Variants in TG observed in about 807,000 individuals in gnomAD.
TG encodes the protein thyroid hormones.
In TG, 270 loss-of-function variants were observed where a neutral mutation model predicts 324.7. That is an observed-to-expected ratio of 0.83 (90% CI 0.75 to 0.92). The LOEUF (loss-of-function observed/expected upper bound fraction) is 0.92, where lower values mean the gene tolerates loss of function less well. Ranked by LOEUF, TG falls within the 40% of genes least tolerant of loss-of-function variation. The pLI is 0.00. For synonymous variants in TG, 1,401 were observed against 1,327.0 expected, an observed-to-expected ratio of 1.06 and a Z score of -1.21; for missense variants, 3,591 against 3,456.4, an observed-to-expected ratio of 1.04 and a Z score of -0.98.
intron 5 of TG, among the ~76,000 whole-genome samples, chr8:132,878,493 G>C (rs984657556): frequency 1.3e-5 from 2 of 151,726 alleles, no homozygotes; most frequent in Non-Finnish European, 2.9e-5. Context: ...GTGGGTGCCT[G>C]TGGTCCCATC....
chr8:133,054,186 G>A (rs1468158913), intron 41 of TG, among the ~76,000 whole-genome samples: 3 of 152,122 alleles, frequency 2.0e-5, no homozygotes, highest in Non-Finnish European at 4.4e-5. Flanking sequence ...TTAGCTTTAT[G>A]GAGAGCTCAG....
chr8:133,010,832 C>G lies in TG; in HGVS notation c.6263-1069C>G, dbSNP rs577777158. 3.9e-5 allele frequency among the ~76,000 whole-genome samples: 6 copies of G among 152,314 alleles called. No individual in the cohort carries two copies. The South Asian group carries it at 1.2e-3, about 32-fold the overall frequency. ...CTGCTATGCCTGTGCTTCCCTCCCC[C>G]ATGCTGAGACAGCCACGTCCTACGT... On this transcript the variant is annotated intron_variant, in intron 35 of 47. Transcript: ENST00000220616.
intron 41 of TG, chr8:133,090,258 G>C (rs1247653724): frequency 6.6e-6 from 1 of 152,248 alleles, no homozygotes; most frequent in Non-Finnish European, 1.5e-5. Context: ...TGAGGGCTTA[G>C]AAGTCACACA....
At chr8:132,954,166 A>G (rs1414136588) in intron 27 of TG, among the ~76,000 whole-genome samples, 1 of 152,138 alleles carries the variant, frequency 6.6e-6, no homozygotes, top group East Asian at 1.9e-4. Context: ...CAGTGGAGAA[A>G]GTTACAGTAC....
At chr8:133,051,223 C>G (rs376590688) in intron 41 of TG, among the ~76,000 whole-genome samples, 1 of 152,178 alleles carries the variant, frequency 6.6e-6, no homozygotes, top group African/African-American at 2.4e-5. Flanking sequence ...GCGCCTGTTA[C>G]GAGTCTACTA....
Position 132,881,958 on chromosome 8 carries a change from T to G in TG, c.734T>G (p.Leu245Arg). ...CHCADSQGRE[L>R]AETGLELLLD... ...TGTGCTGACAGCCAAGGGCGGGAAC[T>G]GGCTGAGACAGGTGAGTGATACCCC... The change falls in exon 6 of 48, where the codon CTG (leucine) becomes CGG (arginine). Residue 245 changes from leucine (L) to arginine (R), a missense_variant. Physicochemically the swap from Leu to Arg is moderately radical, Grantham distance 102 (BLOSUM62 -2). Coordinates refer to ENST00000220616, the MANE Select transcript of TG (RefSeq NM_003235.5). 1 of 1,613,010 alleles carries G rather than the reference T, an allele frequency of 6.2e-7. No homozygotes were observed. The highest frequency in any genetic ancestry group is 8.5e-7 in the Non-Finnish European group (1 of 1,178,952).
chr8:132,874,292 G>A (rs1342022476), intron 5 of TG, among the ~76,000 whole-genome samples: 1 of 152,208 alleles, frequency 6.6e-6, no homozygotes, highest in Admixed American at 6.5e-5. Flanking sequence ...TTTGTAAACT[G>A]TGTGTATACG....
chr8:132,934,424 A>C (rs191384103), intron 24 of TG, among the ~76,000 whole-genome samples: 1 of 152,346 alleles, frequency 6.6e-6, no homozygotes, highest in African/African-American at 2.4e-5. Context: ...TCTGTGAGTC[A>C]AAGCTTATAG....
intron 35 of TG, among the ~76,000 whole-genome samples, chr8:132,990,048 A>G (rs1832111391): frequency 6.6e-6 from 1 of 152,028 alleles, no homozygotes; most frequent in South Asian, 2.1e-4. Flanking sequence ...GGTGTTCAAG[A>G]AACGTCAGCA....
At chr8:133,106,522 C>CT in intron 43 of TG, 1 of 936,482 alleles carries the variant, frequency 1.1e-6, no homozygotes, top group South Asian at 4.9e-5. Flanking sequence ...TTCTTTCTGG[C>CT]TTCTCCCCTG....
At chr8:132,914,875 A>G (rs1453104078) in intron 20 of TG, among the ~76,000 whole-genome samples, 1 of 152,196 alleles carries the variant, frequency 6.6e-6, no homozygotes, top group Non-Finnish European at 1.5e-5. Context: ...CACCTGCCCC[A>G]TGTTCACAGA....
At chr8:133,031,136 A>G (rs1836601513) in intron 41 of TG, among the ~76,000 whole-genome samples, 1 of 152,282 alleles carries the variant, frequency 6.6e-6, no homozygotes, top group Middle Eastern at 3.4e-3. Context: ...TCATTCTCTC[A>G]GCCCCTGGTA....
chr8:133,123,448 T>C (rs570138565), intron 45 of TG, among the ~76,000 whole-genome samples: 2 of 151,102 alleles, frequency 1.3e-5, no homozygotes, highest in African/African-American at 4.8e-5. Context: ...TTCTGTCTAA[T>C]GCCTCCTGTG....
chr8:132,875,062 A>T (rs1056533220), intron 5 of TG, among the ~76,000 whole-genome samples: 1 of 152,150 alleles, frequency 6.6e-6, no homozygotes, highest in Non-Finnish European at 1.5e-5. Flanking sequence ...CAGTGTTCCC[A>T]TCCGTCAAAT....
intron 43 of TG, among the ~76,000 whole-genome samples, chr8:133,111,714 TATAAG>T (rs67163899): frequency 0.16 from 24,109 of 152,138 alleles, 2,338 homozygotes; most frequent in Non-Finnish European, 0.21. Context: ...TTCTGTTATG[TATAAG>T]ATAACTTTCT....
intron 45 of TG, among the ~76,000 whole-genome samples, chr8:133,131,115 T>A (rs1189703286): frequency 1.3e-5 from 2 of 152,240 alleles, no homozygotes; most frequent in African/African-American, 4.8e-5. Context: ...TATGCAGTGG[T>A]GAAATCCATC....
intron 37 of TG, among the ~76,000 whole-genome samples, chr8:133,014,631 C>T (rs1834854744): frequency 6.6e-6 from 1 of 152,200 alleles, no homozygotes; most frequent in South Asian, 2.1e-4. Flanking sequence ...GACTGTGTTC[C>T]AATAAAACTT....
chr8:132,867,936 C>T (rs1390608186), intron 1 of TG, among the ~76,000 whole-genome samples, 179 bp from the exon 2 acceptor site: 1 of 152,126 alleles, frequency 6.6e-6, no homozygotes, highest in Non-Finnish European at 1.5e-5. Context: ...GAGAATGTTG[C>T]ACATTAAATG....
At chr8:133,076,491 C>G (rs1844882415) in intron 41 of TG, among the ~76,000 whole-genome samples, 1 of 152,138 alleles carries the variant, frequency 6.6e-6, no homozygotes, top group Admixed American at 6.5e-5. Flanking sequence ...TACAAAGGAA[C>G]TATTGCAAAA....
Sources: gnomAD v4.1 joint callset for allele counts (sites outside exome capture counted in the v4.1 genomes callset) on GRCh38, gnomAD v4.1.1 for gene constraint, MANE v1.5 for transcripts, NCBI Gene and HGNC (gene_info 2026-07-23, HGNC 2026-07-21) for gene names.